The following PPP1R12B variants were observed in gnomAD, a reference collection of about 807,000 sequenced individuals.
PPP1R12B encodes the protein myosin phosphatase target subunit 2.
A neutral mutation model predicts 126.1 loss-of-function variants in PPP1R12B; 76 were observed. That is an observed-to-expected ratio of 0.60 (90% confidence interval 0.50 to 0.73). PPP1R12B has a LOEUF of 0.73. Ranked by LOEUF, PPP1R12B falls within the 30% of genes least tolerant of loss-of-function variation. PPP1R12B has a pLI of 0.00. For synonymous variants in PPP1R12B, 356 were observed against 434.7 expected (o/e 0.82, Z 2.25); for missense variants, 1,052 against 1,205.1 (o/e 0.87, Z 1.88).
intron 18 of PPP1R12B, among the ~76,000 whole-genome samples, chr1:202,517,630 CTT>C (rs59698189): frequency 2.4e-4 from 35 of 147,678 alleles, no homozygotes; most frequent in Non-Finnish European, 2.8e-4. Flanking sequence ...AATGAGGTAT[CTT>C]TTTTTTTTTT....
chr1:202,560,146 G>T (rs1687371347), intron 19 of PPP1R12B, among the ~76,000 whole-genome samples: 2 of 152,096 alleles, frequency 1.3e-5, no homozygotes, highest in Admixed American at 6.5e-5. Flanking sequence ...ATGGATTTCA[G>T]TTGGCTTACA....
At chr1:202,478,182 A>G (rs1676920253) in intron 13 of PPP1R12B, among the ~76,000 whole-genome samples, 1 of 152,212 alleles carries the variant, frequency 6.6e-6, no homozygotes, top group Non-Finnish European at 1.5e-5. Flanking sequence ...AGGTTCAGAT[A>G]GTGATTATTT....
intron 18 of PPP1R12B, among the ~76,000 whole-genome samples, chr1:202,558,174 T>A (rs1558371770): frequency 6.6e-6 from 1 of 152,122 alleles, no homozygotes; most frequent in Non-Finnish European, 1.5e-5. Flanking sequence ...AAAGGTCATC[T>A]ACAGTAAAAA....
At chr1:202,369,935 A>C (rs1009510015) in intron 1 of PPP1R12B, 1 of 156,044 alleles carries the variant, frequency 6.4e-6, no homozygotes, top group African/African-American at 2.4e-5. Flanking sequence ...AGCTGGGGCT[A>C]CAGGCATGCA....
At chr1:202,561,650 C>T (rs966960381) in intron 19 of PPP1R12B, among the ~76,000 whole-genome samples, 3 of 152,134 alleles carry the variant, frequency 2.0e-5, no homozygotes, top group Admixed American at 2.0e-4. Context: ...ACTTTTTCTA[C>T]AACCATATAT....
chr1:202,418,847 G>A (rs1190472757), intron 2 of PPP1R12B, among the ~76,000 whole-genome samples: 4 of 151,206 alleles, frequency 2.6e-5, no homozygotes, highest in Admixed American at 1.3e-4. Context: ...TGTTCATTTC[G>A]GTTGCTTTAC....
chr1:202,504,583 C>T (rs1209139991), intron 18 of PPP1R12B, among the ~76,000 whole-genome samples: 1 of 152,136 alleles, frequency 6.6e-6, no homozygotes, highest in African/African-American at 2.4e-5. Context: ...AGCTGAGGCC[C>T]AGGAGATTAA....
chr1:202,543,932 A>G (rs1039044149), intron 18 of PPP1R12B, among the ~76,000 whole-genome samples: 4 of 152,340 alleles, frequency 2.6e-5, no homozygotes, highest in Admixed American at 2.6e-4. Flanking sequence ...TTTGGCTTTC[A>G]TATGAAGTTT....
intron 1 of PPP1R12B, among the ~76,000 whole-genome samples, chr1:202,380,607 C>A (rs975530132): frequency 1.3e-5 from 2 of 152,164 alleles, no homozygotes; most frequent in African/African-American, 4.8e-5. Context: ...ACACCCCCCC[C>A]ATTCCTTGGC....
chr1:202,368,309 G>A (rs907965818), intron 1 of PPP1R12B, among the ~76,000 whole-genome samples: 2 of 151,994 alleles, frequency 1.3e-5, no homozygotes, highest in Non-Finnish European at 2.9e-5. Flanking sequence ...ACTGCCCCCC[G>A]CAACCTTGCT....
intron 13 of PPP1R12B, among the ~76,000 whole-genome samples, chr1:202,483,471 A>G (rs1374115859): frequency 6.6e-6 from 1 of 152,146 alleles, no homozygotes; most frequent in African/African-American, 2.4e-5. Flanking sequence ...CAGAGGGAAC[A>G]GAGGAAGTCT....
intron 5 of PPP1R12B, among the ~76,000 whole-genome samples, chr1:202,427,998 TG>T (rs565584530): frequency 1.3e-5 from 2 of 150,680 alleles, no homozygotes; most frequent in African/African-American, 4.9e-5. Flanking sequence ...ATGGTAGAGA[TG>T]GGGGGTCTCA....
intron 23 of PPP1R12B, among the ~76,000 whole-genome samples, chr1:202,578,792 C>T (rs531340195): frequency 2.0e-5 from 3 of 152,236 alleles, no homozygotes; most frequent in South Asian, 2.1e-4. Flanking sequence ...GTTGTTCTTA[C>T]GAAAGTACAA....
chr1:202,586,233 CA>C lies in PPP1R12B; in HGVS notation c.*5675del, dbSNP rs1331760429. 1 of 152,266 alleles carries C rather than the reference CA, an allele frequency of 6.6e-6. No homozygotes were observed. Among genetic ancestry groups the C allele is most frequent in the Non-Finnish European group, 1.5e-5 (1 of 68,080 alleles). The allele number at this position is 152,266 out of a possible 1,614,324, so 9.4% of individuals were successfully genotyped here. A position where few individuals can be genotyped will look rare whatever the true frequency, so the allele number is the denominator to read the frequency against. On this transcript the variant is annotated 3_prime_UTR_variant, in exon 24 of 24. Coordinates refer to ENST00000608999, the MANE Select transcript of PPP1R12B (RefSeq NM_002481.4). ...TGCATAGAACAGCACTTGGCTTTCA[CA>C]AGCCTCCTACAGGACCTGGTGTAAT...
intron 1 of PPP1R12B, among the ~76,000 whole-genome samples, chr1:202,353,531 A>G (rs960167434): frequency 1.2e-4 from 18 of 151,312 alleles, no homozygotes; most frequent in Admixed American, 9.2e-4. Flanking sequence ...TTTTGAAAGT[A>G]TAAATAAAAA....
At chr1:202,405,231 C>T (rs1666433366) in intron 1 of PPP1R12B, among the ~76,000 whole-genome samples, 1 of 152,162 alleles carries the variant, frequency 6.6e-6, no homozygotes, top group South Asian at 2.1e-4. Flanking sequence ...AAAACGCAGT[C>T]TAAAGCCCCT....
intron 13 of PPP1R12B, among the ~76,000 whole-genome samples, chr1:202,459,647 T>C (rs1674067411): frequency 6.6e-6 from 1 of 152,194 alleles, no homozygotes; most frequent in African/African-American, 2.4e-5. Context: ...CCTAAGAGCA[T>C]AGAGTCATTT....
chr1:202,576,913 G>A (rs1240189695), intron 23 of PPP1R12B: 1 of 151,736 alleles, frequency 6.6e-6, no homozygotes, highest in African/African-American at 2.4e-5. Flanking sequence ...AACCAAATAT[G>A]TCAGGTTCCA....
chr1:202,364,720 G>T (rs536435114), intron 1 of PPP1R12B, among the ~76,000 whole-genome samples: 1 of 152,244 alleles, frequency 6.6e-6, no homozygotes, highest in East Asian at 1.9e-4. Flanking sequence ...GGGACTACAG[G>T]CGCCCGCCAC....
Sources: allele counts gnomAD v4.1 joint callset (sites outside exome capture counted in the v4.1 genomes callset), GRCh38; gene constraint gnomAD v4.1.1; transcripts MANE v1.5; gene names NCBI Gene and HGNC (gene_info 2026-07-23, HGNC 2026-07-21).